FAM13B: variants seen among roughly 807,000 people sequenced by gnomAD.
The protein encoded by FAM13B is family with sequence similarity 13 member B, also known as protein FAM13B.
In FAM13B, 60 loss-of-function variants were observed where a neutral mutation model predicts 117.3. The ratio of observed to expected loss-of-function variants is 0.51; its 90% CI spans 0.42 to 0.63. FAM13B has a LOEUF of 0.63. Among genes scored for constraint, FAM13B ranks in the 30% least tolerant of loss-of-function variants. FAM13B has a pLI of 0.00. For missense variants in FAM13B, 972 were observed against 1,091.9 expected, an observed-to-expected ratio of 0.89 and a Z score of 1.55; for synonymous variants, 332 against 356.1, an observed-to-expected ratio of 0.93 and a Z score of 0.76.
intron 17 of FAM13B, among the ~76,000 whole-genome samples, chr5:137,949,975 A>G (rs1430056212): frequency 1.3e-5 from 2 of 152,122 alleles, no homozygotes; most frequent in Non-Finnish European, 2.9e-5. Context: ...AAAAACACAA[A>G]AACAACAACA....
At chr5:137,957,312 C>T (rs1391021974) in intron 13 of FAM13B, among the ~76,000 whole-genome samples, 4 of 152,072 alleles carry the variant, frequency 2.6e-5, no homozygotes, top group African/African-American at 9.7e-5. Context: ...GAGGCCAAGG[C>T]GGGCGGATCA....
intron 1 of FAM13B, among the ~76,000 whole-genome samples, chr5:138,023,399 G>A (rs1045433758): frequency 6.6e-6 from 1 of 152,110 alleles, no homozygotes; most frequent in Non-Finnish European, 1.5e-5. Flanking sequence ...CCCTTAATTA[G>A]ACATTGCAAG....
chr5:137,968,020 G>A (rs937044695), intron 10 of FAM13B, among the ~76,000 whole-genome samples: 9 of 151,916 alleles, frequency 5.9e-5, no homozygotes, highest in African/African-American at 1.7e-4. Context: ...TCAGGAGTTC[G>A]AGACCAACCT....
At chr5:138,023,138 T>C (rs1448972848) in intron 1 of FAM13B, among the ~76,000 whole-genome samples, 2 of 152,140 alleles carry the variant, frequency 1.3e-5, no homozygotes, top group African/African-American at 4.8e-5. Flanking sequence ...TGACCTCTAC[T>C]ACCTGCAACC....
upstream of FAM13B, among the ~76,000 whole-genome samples, chr5:138,034,476 C>A (rs1016204897): frequency 8.5e-5 from 13 of 152,188 alleles, no homozygotes; most frequent in Admixed American, 4.6e-4. Flanking sequence ...AATAAATCTA[C>A]ATACCCAATA....
At chr5:137,955,281 A>G (rs1561744658) in intron 14 of FAM13B, among the ~76,000 whole-genome samples, 1 of 152,196 alleles carries the variant, frequency 6.6e-6, no homozygotes, top group Non-Finnish European at 1.5e-5. Context: ...AATATTCCCA[A>G]AGGAGGAGCT....
intron 5 of FAM13B, 148 bp from the exon 6 acceptor site, chr5:138,011,297 T>A (rs1783936743): frequency 2.9e-6 from 2 of 685,994 alleles, no homozygotes; most frequent in Non-Finnish European, 4.8e-6. Context: ...CCTACCTAAT[T>A]TGTACCCTGT....
intron 11 of FAM13B, among the ~76,000 whole-genome samples, chr5:137,962,141 C>CA (rs751409553): frequency 1.4e-4 from 21 of 152,302 alleles, no homozygotes; most frequent in Admixed American, 2.6e-4. Context: ...GTTCCACAAT[C>CA]AACTGAAAGA....
At chr5:138,016,435 G>C (rs1785275298) in intron 4 of FAM13B, among the ~76,000 whole-genome samples, 2 of 151,966 alleles carry the variant, frequency 1.3e-5, no homozygotes, top group African/African-American at 4.8e-5. Context: ...GACCTGCTTG[G>C]GCAACATAGC....
In FAM13B at chr5:137,953,476, A is replaced by G. The variant is rs1765593221; in HGVS notation, c.1719-11T>C. ...GATGATCTTCGAATTCTGAATTAAA[A>G]CAAAAGGCCAACACTGTTAAATTTT... On this transcript the variant is annotated splice_polypyrimidine_tract_variant and intron_variant, in intron 15 of 23. Coordinates refer to ENST00000689681, the MANE Select transcript of FAM13B (RefSeq NM_001385994.1). The G allele has an allele frequency of 6.2e-7, 1 of 1,613,114 alleles. No individual in the cohort carries two copies. Among genetic ancestry groups the G allele is most frequent in the Middle Eastern group, 1.7e-4 (1 of 6,058 alleles).
At chr5:137,983,549 A>T (rs1207104836) in intron 10 of FAM13B, among the ~76,000 whole-genome samples, 1 of 152,194 alleles carries the variant, frequency 6.6e-6, no homozygotes, top group Non-Finnish European at 1.5e-5. Context: ...AAGAAATAAC[A>T]GTATAAATGT....
intron 1 of FAM13B, among the ~76,000 whole-genome samples, chr5:138,032,201 A>G (rs1054282562): frequency 3.9e-5 from 6 of 152,196 alleles, no homozygotes; most frequent in African/African-American, 1.2e-4. Context: ...AATGCTATAC[A>G]AAGTGTCCCC....
At chr5:137,959,177 T>C (rs1767416867) in intron 13 of FAM13B, among the ~76,000 whole-genome samples, 1 of 152,188 alleles carries the variant, frequency 6.6e-6, no homozygotes, top group Non-Finnish European at 1.5e-5. Context: ...ACAATATTTG[T>C]TTAGAAGTAC....
chr5:137,940,219 C>G lies in FAM13B; in HGVS notation c.*6G>C, dbSNP rs369454923. ...CTTTATGATATGAATTTTCAAGGAA[C>G]GTATCTTATATGGATTTTGAAGAAT... is the stretch of plus-strand genomic sequence containing the variant. On this transcript the variant is annotated 3_prime_UTR_variant, in exon 24 of 24. Coordinates refer to ENST00000689681, the MANE Select transcript of FAM13B (RefSeq NM_001385994.1). The G allele has an allele frequency of 8.1e-6, 13 of 1,613,856 alleles. No individual in the cohort carries two copies. In the African/African-American group the frequency reaches 1.6e-4, roughly 20 times the overall value.
intron 7 of FAM13B, among the ~76,000 whole-genome samples, chr5:138,004,000 A>G (rs1040041925): frequency 1.3e-5 from 2 of 152,222 alleles, no homozygotes; most frequent in East Asian, 1.9e-4. Flanking sequence ...CAGGCGTGGT[A>G]GCTCACACCT....
intron 10 of FAM13B, among the ~76,000 whole-genome samples, chr5:137,982,657 C>T (rs1055781890): frequency 2.7e-5 from 4 of 147,160 alleles, no homozygotes; most frequent in South Asian, 2.1e-4. Flanking sequence ...GTTAATGAGC[C>T]GCCCTTTATT....
intron 11 of FAM13B, among the ~76,000 whole-genome samples, chr5:137,961,297 G>A (rs905604031): frequency 3.7e-5 from 5 of 136,150 alleles, no homozygotes; most frequent in African/African-American, 1.4e-4. Context: ...AGTTGAAGAG[G>A]AGAGAGCTTT....
chr5:137,988,968 G>C (rs1182374175), intron 7 of FAM13B, among the ~76,000 whole-genome samples: 2 of 152,210 alleles, frequency 1.3e-5, no homozygotes, highest in African/African-American at 2.4e-5. Context: ...GGGAAAATTA[G>C]TTGTACTGGA....
chr5:137,953,531 C>CA, intron 15 of FAM13B, 66 bp from the exon 16 acceptor site: 1 of 1,491,980 alleles, frequency 6.7e-7, no homozygotes, highest in Non-Finnish European at 9.2e-7. Context: ...TCTTATTGCC[C>CA]TGACATGGCA....
Sources: allele counts gnomAD v4.1 joint callset (sites outside exome capture counted in the v4.1 genomes callset), GRCh38; gene constraint gnomAD v4.1.1; transcripts MANE v1.5; gene names NCBI Gene and HGNC (gene_info 2026-07-23, HGNC 2026-07-21).